Variants in SDK2 observed in about 807,000 individuals in gnomAD.
The protein encoded by SDK2 is protein sidekick-2.
In SDK2, 105 loss-of-function variants were observed where a neutral mutation model predicts 253.9. That is an observed-to-expected ratio of 0.41 (90% CI 0.35 to 0.49). The LOEUF is 0.49. Ranked by LOEUF, SDK2 falls within the 20% of genes least tolerant of loss-of-function variation. The pLI, the probability that SDK2 is intolerant of heterozygous loss-of-function variation, is 0.06. For synonymous variants in SDK2, 1,249 were observed against 1,234.9 expected (o/e 1.01, Z -0.24); for missense variants, 2,608 against 3,003.0 (o/e 0.87, Z 3.07).
intron 3 of SDK2, among the ~76,000 whole-genome samples, chr17:73,462,529 T>G (rs2063571082): frequency 6.6e-6 from 1 of 152,054 alleles, no homozygotes; most frequent in South Asian, 2.1e-4. Context: ...TGTGGTGGGA[T>G]GAATGGTTGT....
chr17:73,466,810 C>G (rs567750951), intron 3 of SDK2, among the ~76,000 whole-genome samples: 51 of 151,352 alleles, frequency 3.4e-4, no homozygotes, highest in Non-Finnish European at 1.2e-4. Flanking sequence ...GGTCATGACC[C>G]TGAAGGTCAC....
Position 73,423,380 on chromosome 17 carries a change from G to A in SDK2, c.1897+6C>T. On this transcript the variant is annotated splice_donor_region_variant and intron_variant, in intron 14 of 44. Coordinates refer to ENST00000392650, the MANE Select transcript of SDK2 (RefSeq NM_001144952.2). ...GAGGTGTTGGAGGTGACCACGGGAAGCTTACTGTTCTCCGACATCTCCAGA... is the reference window on the plus strand; with the variant it reads ...GAGGTGTTGGAGGTGACCACGGGAAACTTACTGTTCTCCGACATCTCCAGA... The A allele has an allele frequency of 6.9e-7, 1 of 1,451,062 alleles. No individual in the cohort carries two copies. 89.9% of individuals were successfully genotyped at this position (1,451,062 alleles called of 1,614,324 possible). A position where few individuals can be genotyped will look rare whatever the true frequency, so the allele number is the denominator to read the frequency against.
chr17:73,567,026 C>T (rs955313832), intron 1 of SDK2, among the ~76,000 whole-genome samples: 4 of 151,922 alleles, frequency 2.6e-5, no homozygotes, highest in Admixed American at 6.6e-5. Flanking sequence ...GAGTCAAGCA[C>T]GAATAACAAA....
At chr17:73,513,582 C>T (rs1001074017) in intron 1 of SDK2, 1 of 152,184 alleles carries the variant, frequency 6.6e-6, no homozygotes, top group Admixed American at 6.5e-5. Context: ...TCCTCCAATT[C>T]GCCAACTCTT....
At chr17:73,461,757 T>C (rs2063563829) in intron 3 of SDK2, among the ~76,000 whole-genome samples, 1 of 152,154 alleles carries the variant, frequency 6.6e-6, no homozygotes, top group Non-Finnish European at 1.5e-5. Flanking sequence ...TGTATGTATG[T>C]ACATTTGTAT....
rs577419708 is a variant in SDK2 at position 73,369,911 on chromosome 17, TG to T, written c.4981-1319del. Among the ~76,000 whole-genome samples, 676 of 152,310 alleles carry T rather than the reference TG, an allele frequency of 4.4e-3. 3 individuals carry two copies. Among genetic ancestry groups the T allele is most frequent in the African/African-American group, 0.015 (629 of 41,568 alleles). The stretch of plus-strand genomic sequence containing the variant: ...CGCCCGCCTCGGCCTCCCAAAGTGC[TG>T]GGGTTACAGGCGCGAACCACCAAGC... On this transcript the variant is annotated intron_variant, in intron 36 of 44. Coordinates refer to ENST00000392650, the MANE Select transcript of SDK2 (RefSeq NM_001144952.2).
intron 44 of SDK2, among the ~76,000 whole-genome samples, chr17:73,342,342 G>A (rs1312137509): frequency 6.6e-6 from 1 of 152,162 alleles, no homozygotes; most frequent in African/African-American, 2.4e-5. Flanking sequence ...GCCCCTTTCT[G>A]TGCCTACTGC....
chr17:73,546,601 C>A (rs1178600303), intron 1 of SDK2, among the ~76,000 whole-genome samples: 3 of 152,186 alleles, frequency 2.0e-5, no homozygotes, highest in African/African-American at 7.2e-5. Context: ...CCCTCTCAGG[C>A]CTGCCTGGGG....
At chr17:73,407,567 A>G (rs139736513) in intron 18 of SDK2, among the ~76,000 whole-genome samples, 58 of 152,318 alleles carry the variant, frequency 3.8e-4, no homozygotes, top group African/African-American at 1.4e-3. Flanking sequence ...ATAAGACAAT[A>G]AGGAATCAAT....
chr17:73,639,516 G>A lies in SDK2; in HGVS notation c.64+4509C>T, dbSNP rs905269336. 1.3e-5 allele frequency among the ~76,000 whole-genome samples: 2 copies of A among 152,216 alleles called. No individual in the cohort carries two copies. The highest frequency in any genetic ancestry group is 4.8e-5 in the African/African-American group (2 of 41,462). On this transcript the variant is annotated intron_variant, in intron 1 of 44. Transcript: ENST00000392650. This position sits in a 1 kb window ranked among gnomAD's most constrained non-coding sequence, Gnocchi z 4.3. ...AGGCAGTGGGCTGCAGCCGCCAGTT[G>A]CTGCTGGCCCATTTGTTGCTATTGG...
At position 73,642,273 on chromosome 17, in the gene SDK2, T is replaced by C. The variant is rs1410350326; in HGVS notation, c.64+1752A>G. Among the ~76,000 whole-genome samples the C allele has an allele frequency of 6.6e-6, 1 of 152,210 alleles. No homozygotes were observed. The stretch of plus-strand genomic sequence containing the variant: ...TGGGGACTCTATAAGGGCCTGGTCC[T>C]AGATGAGACAAGAATTGGTGAGCCA... On this transcript the variant is annotated intron_variant, in intron 1 of 44. Coordinates refer to ENST00000392650, the MANE Select transcript of SDK2 (RefSeq NM_001144952.2). The surrounding 1 kb of genome is among the most constrained non-coding windows in gnomAD (Gnocchi z 4.7).
At chr17:73,613,659 T>C (rs2046009346) in intron 1 of SDK2, among the ~76,000 whole-genome samples, 1 of 129,792 alleles carries the variant, frequency 7.7e-6, no homozygotes, top group East Asian at 2.7e-4. Context: ...CCGGACCCCT[T>C]TGTTGGCCGG....
Position 73,618,531 on chromosome 17 carries a change from G to A in SDK2, c.64+25494C>T, listed in dbSNP as rs1216509680. ...CTATAAAAAACCTACTGTATGCCCA[G>A]GACAGTGTGAGAAATGAGAGAGGAA... is the stretch of plus-strand genomic sequence containing the variant. On this transcript the variant is annotated intron_variant, in intron 1 of 44. Coordinates refer to ENST00000392650, the MANE Select transcript of SDK2 (RefSeq NM_001144952.2). The surrounding 1 kb of genome is among the most constrained non-coding windows in gnomAD (Gnocchi z 4.1). Among the ~76,000 whole-genome samples, 2 of 152,220 alleles carry A rather than the reference G, an allele frequency of 1.3e-5. No individual in the cohort carries two copies. The highest frequency in any genetic ancestry group is 4.8e-5 in the African/African-American group (2 of 41,458).
chr17:73,512,474 G>A (rs935909912), intron 1 of SDK2, among the ~76,000 whole-genome samples: 1 of 151,818 alleles, frequency 6.6e-6, no homozygotes, highest in Non-Finnish European at 1.5e-5. Context: ...GAAGGAAGGA[G>A]AATTGTGGAT....
chr17:73,566,919 T>C (rs566716806), intron 1 of SDK2, among the ~76,000 whole-genome samples: 2 of 150,932 alleles, frequency 1.3e-5, no homozygotes, highest in East Asian at 3.9e-4. Context: ...AATTTCCAGC[T>C]TGGCCATGAG....
chr17:73,423,476 C>A lies in SDK2; in HGVS notation c.1807G>T (p.Val603Leu). 1.9e-6 allele frequency: 3 copies of A among 1,591,584 alleles called. No individual in the cohort carries two copies. The highest frequency in any genetic ancestry group is 2.3e-5 in the East Asian group (1 of 43,868). Reference protein sequence around the residue: ...PEHPVATLSTVERRAINLTWT... With the variant: ...PEHPVATLSTLERRAINLTWT... ...GTCAGGTTGATGGCTCGCCTTTCCACGGTGCTGAGAGTGGCCACTGGGTGC... is the reference window on the plus strand; with the variant it reads ...GTCAGGTTGATGGCTCGCCTTTCCAAGGTGCTGAGAGTGGCCACTGGGTGC... The change falls in exon 14 of 45, where the codon GTG becomes TTG. Residue 603 changes from valine to leucine, a missense_variant. Physicochemically the swap from Val to Leu is conservative, Grantham distance 32 (BLOSUM62 1). This residue lies in a region of SDK2 where 1,505 missense variants were observed against 1,859.1 expected (regional missense o/e 0.81). Transcript: ENST00000392650.
At chr17:73,579,683 G>A (rs1431903078) in intron 1 of SDK2, among the ~76,000 whole-genome samples, 1 of 151,904 alleles carries the variant, frequency 6.6e-6, no homozygotes, top group Non-Finnish European at 1.5e-5. Context: ...GTCTTTATAA[G>A]AAGAGATTAG....
chr17:73,412,001 C>CGTAT (rs1568389097), intron 18 of SDK2, among the ~76,000 whole-genome samples: 2 of 100,566 alleles, frequency 2.0e-5, no homozygotes, highest in East Asian at 6.0e-4. Context: ...TATATACACA[C>CGTAT]ATATATATGT....
At chr17:73,391,256 C>T (rs563219691) in intron 28 of SDK2, among the ~76,000 whole-genome samples, 184 bp downstream of exon 28, 3 of 152,216 alleles carry the variant, frequency 2.0e-5, no homozygotes, top group Admixed American at 2.0e-4. Flanking sequence ...ATCTTGCCCT[C>T]CGGAAGATAA....
Sources: allele counts gnomAD v4.1 joint callset (sites outside exome capture counted in the v4.1 genomes callset), GRCh38; gene constraint gnomAD v4.1.1; regional missense constraint gnomAD v4.1.1; non-coding constraint Gnocchi (gnomAD v3.1); transcripts MANE v1.5; gene names NCBI Gene and HGNC (gene_info 2026-07-23, HGNC 2026-07-21).